SLC25A48: variants seen among roughly 807,000 people sequenced by gnomAD.
SLC25A48 encodes solute carrier family 25 member 48, also known as CTC-321K16.1.
A neutral mutation model predicts 32.2 loss-of-function variants in SLC25A48; 29 were observed. The observed-to-expected ratio is 0.90, with a 90% CI of 0.67 to 1.23. The LOEUF is 1.23. Ranked by LOEUF, SLC25A48 falls within the 50% of genes most tolerant of loss-of-function variation. SLC25A48 has a pLI of 0.00. For missense variants in SLC25A48, 399 were observed against 422.7 expected (o/e 0.94, Z 0.49); for synonymous variants, 164 against 172.3 (o/e 0.95, Z 0.38).
intron 4 of SLC25A48, among the ~76,000 whole-genome samples, chr5:135,853,813 G>T (rs1760092512): frequency 6.6e-6 from 1 of 152,104 alleles, no homozygotes; most frequent in Admixed American, 6.5e-5. Context: ...TTTTCCAGAA[G>T]GTTTTTCAAT....
intron 3 of SLC25A48, among the ~76,000 whole-genome samples, chr5:135,792,683 C>T (rs1180661943): frequency 6.6e-6 from 1 of 151,700 alleles, no homozygotes; most frequent in Non-Finnish European, 1.5e-5. Context: ...AGTAAGTGTT[C>T]ACCATATTTG....
intron 3 of SLC25A48, among the ~76,000 whole-genome samples, chr5:135,743,970 T>C (rs1453116369): frequency 6.6e-6 from 1 of 152,220 alleles, no homozygotes; most frequent in Non-Finnish European, 1.5e-5. Context: ...CATTACAAGC[T>C]TATCTTCTCA....
chr5:135,885,806 A>AG (rs1762692390), intron 7 of SLC25A48, among the ~76,000 whole-genome samples: 1 of 152,206 alleles, frequency 6.6e-6, no homozygotes, highest in South Asian at 2.1e-4. Flanking sequence ...TCAATAGAAG[A>AG]GGGGGTTGAA....
intron 3 of SLC25A48, among the ~76,000 whole-genome samples, chr5:135,648,351 A>G (rs114889843): frequency 3.9e-5 from 6 of 152,340 alleles, no homozygotes; most frequent in African/African-American, 1.4e-4. Context: ...CTGACGATGG[A>G]GCCTGGCTGA....
At chr5:135,807,613 G>A (rs1397715238) in intron 3 of SLC25A48, among the ~76,000 whole-genome samples, 1 of 150,076 alleles carries the variant, frequency 6.7e-6, no homozygotes, top group Non-Finnish European at 1.5e-5. Flanking sequence ...GTATCATAGT[G>A]TGTTAACCCT....
chr5:135,721,920 A>C (rs1350670582), intron 3 of SLC25A48, among the ~76,000 whole-genome samples: 1 of 152,240 alleles, frequency 6.6e-6, no homozygotes, highest in Non-Finnish European at 1.5e-5. Flanking sequence ...GGTGACAAAC[A>C]TGTTGCTGAA....
At chr5:135,754,906 C>G (rs1250769709) in intron 3 of SLC25A48, among the ~76,000 whole-genome samples, 2 of 151,730 alleles carry the variant, frequency 1.3e-5, no homozygotes, top group African/African-American at 4.8e-5. Context: ...AAATATTGGT[C>G]TGACATTTAT....
intron 3 of SLC25A48, among the ~76,000 whole-genome samples, chr5:135,794,863 A>T (rs982614904): frequency 6.6e-6 from 1 of 151,848 alleles, no homozygotes; most frequent in Non-Finnish European, 1.5e-5. Context: ...TTCCCAGTAT[A>T]TCAGGGGGTG....
At chr5:135,878,835 C>G (rs544365979) in intron 6 of SLC25A48, among the ~76,000 whole-genome samples, 1 of 152,110 alleles carries the variant, frequency 6.6e-6, no homozygotes. Context: ...TTTAGGTGGT[C>G]GTTTCTTACC....
At chr5:135,773,714 C>T (rs889273876) in intron 3 of SLC25A48, among the ~76,000 whole-genome samples, 25 of 151,030 alleles carry the variant, frequency 1.7e-4, no homozygotes, top group Non-Finnish European at 1.5e-4. Context: ...CTCCTAATAT[C>T]GCAGGGTTGT....
intron 3 of SLC25A48, among the ~76,000 whole-genome samples, chr5:135,764,506 G>A (rs1756152973): frequency 6.6e-6 from 1 of 151,788 alleles, no homozygotes; most frequent in Admixed American, 6.6e-5. Context: ...CAGGTGAGAG[G>A]GTGATATTAC....
intron 3 of SLC25A48, among the ~76,000 whole-genome samples, chr5:135,640,302 T>A (rs1752801531): frequency 6.6e-6 from 1 of 152,078 alleles, no homozygotes. Flanking sequence ...AACATATGAG[T>A]AATTGGAGGG....
chr5:135,670,341 T>A (rs1753625378), intron 3 of SLC25A48, among the ~76,000 whole-genome samples: 1 of 152,208 alleles, frequency 6.6e-6, no homozygotes, highest in Non-Finnish European at 1.5e-5. Context: ...TGATCCGTTG[T>A]GCAAGCTCTT....
intron 3 of SLC25A48, among the ~76,000 whole-genome samples, chr5:135,658,521 A>G (rs1753308124): frequency 6.6e-6 from 1 of 152,110 alleles, no homozygotes; most frequent in Non-Finnish European, 1.5e-5. Context: ...TGGTGGGTCT[A>G]CCATTCTGGG....
intron 3 of SLC25A48, among the ~76,000 whole-genome samples, chr5:135,739,447 C>G (rs1561470387): frequency 1.3e-5 from 2 of 152,176 alleles, no homozygotes; most frequent in Non-Finnish European, 2.9e-5. Context: ...CACTCCCTGG[C>G]CAGCCTGTGA....
chr5:135,787,272 G>C (rs1756871405), intron 3 of SLC25A48, among the ~76,000 whole-genome samples: 1 of 152,072 alleles, frequency 6.6e-6, no homozygotes, highest in South Asian at 2.1e-4. Flanking sequence ...TAATATCACA[G>C]TGCTTATACA....
intron 1 of SLC25A48, among the ~76,000 whole-genome samples, chr5:135,617,609 C>T (rs1333691932): frequency 6.6e-6 from 1 of 151,716 alleles, no homozygotes; most frequent in Non-Finnish European, 1.5e-5. Flanking sequence ...TCCCTGTTAG[C>T]ACTGCTTTTG....
chr5:135,728,800 A>G (rs4976326), intron 3 of SLC25A48, among the ~76,000 whole-genome samples: 114,858 of 150,852 alleles, frequency 0.76, 44,307 homozygotes, highest in Middle Eastern at 0.87. Context: ...CTTTCACCTC[A>G]GTTTCATCCT....
chr5:135,878,730 G>A (rs1218176213), intron 6 of SLC25A48, among the ~76,000 whole-genome samples: 3 of 152,152 alleles, frequency 2.0e-5, no homozygotes, highest in South Asian at 4.1e-4. Context: ...GACCACTTCT[G>A]TTTCTTAAAC....
Sources: allele counts gnomAD v4.1 joint callset (sites outside exome capture counted in the v4.1 genomes callset), GRCh38; gene constraint gnomAD v4.1.1; transcripts MANE v1.5; gene names NCBI Gene and HGNC (gene_info 2026-07-23, HGNC 2026-07-21).